LIMCH1: variants seen among roughly 807,000 people sequenced by gnomAD.
The protein encoded by LIMCH1 is LIM and calponin homology domains-containing protein 1.
A neutral mutation model predicts 176.5 loss-of-function variants in LIMCH1; 113 were observed. The ratio of observed to expected loss-of-function variants is 0.64; its 90% confidence interval spans 0.55 to 0.75. The LOEUF is 0.75. Ranked by LOEUF, LIMCH1 falls within the 30% of genes least tolerant of loss-of-function variation. LIMCH1 has a pLI of 0.00. For synonymous variants in LIMCH1, 619 were observed against 645.9 expected, an observed-to-expected ratio of 0.96 and a Z score of 0.63; for missense variants, 1,674 against 1,814.9, an observed-to-expected ratio of 0.92 and a Z score of 1.41.
intron 1 of LIMCH1, among the ~76,000 whole-genome samples, chr4:41,547,654 A>G (rs1168644806): frequency 6.9e-6 from 1 of 145,806 alleles, no homozygotes; most frequent in Non-Finnish European, 1.5e-5. Context: ...TAATATATAC[A>G]GATATAAATA....
At chr4:41,694,176 G>A (rs1379878857) in intron 31 of LIMCH1, among the ~76,000 whole-genome samples, 2 of 152,086 alleles carry the variant, frequency 1.3e-5, no homozygotes, top group Non-Finnish European at 2.9e-5. Flanking sequence ...GAAATGCAGT[G>A]TTTTACCAGG....
chr4:41,692,065 T>C (rs1165917258), intron 30 of LIMCH1, among the ~76,000 whole-genome samples: 1 of 152,180 alleles, frequency 6.6e-6, no homozygotes, highest in Non-Finnish European at 1.5e-5. Flanking sequence ...ACCAGTGTCC[T>C]TCTCTGTAAA....
intron 2 of LIMCH1, among the ~76,000 whole-genome samples, chr4:41,501,922 G>A (rs1197547459): frequency 1.5e-5 from 2 of 136,150 alleles, no homozygotes; most frequent in Admixed American, 1.6e-4. Flanking sequence ...AAGTTCCAGG[G>A]TACGTGTGCA....
intron 1 of LIMCH1, among the ~76,000 whole-genome samples, chr4:41,455,185 G>C (rs1435880353): frequency 1.3e-5 from 2 of 152,202 alleles, no homozygotes; most frequent in South Asian, 2.1e-4. Flanking sequence ...AATGAAGAAA[G>C]GGAGGCTGCT....
intron 1 of LIMCH1, among the ~76,000 whole-genome samples, chr4:41,547,897 A>ATATG (rs56354382): frequency 7.0e-6 from 1 of 141,934 alleles, no homozygotes; most frequent in Non-Finnish European, 1.5e-5. Context: ...ATATATATAT[A>ATATG]AACAGTGAGT....
At chr4:41,450,363 G>A (rs1449367768) in intron 1 of LIMCH1, among the ~76,000 whole-genome samples, 2 of 152,106 alleles carry the variant, frequency 1.3e-5, no homozygotes, top group Non-Finnish European at 2.9e-5. Flanking sequence ...GGAAGAATAT[G>A]GGTAAATCAC....
At position 41,671,620 on chromosome 4, in the gene LIMCH1, G is replaced by T. The variant is rs57879989; in HGVS notation, c.3438+26G>T. ...GTAAGTCACTCATTTTAAGGAATAAGATTATGAGTTAGTGTGATTTTAATT... is the reference window on the plus strand; with the variant it reads ...GTAAGTCACTCATTTTAAGGAATAATATTATGAGTTAGTGTGATTTTAATT... On this transcript the variant is annotated intron_variant, in intron 22 of 31. Coordinates refer to ENST00000503057, the MANE Select transcript of LIMCH1 (RefSeq NM_001330672.2). 170 of 1,492,462 alleles carry T rather than the reference G, an allele frequency of 1.1e-4. No individual in the cohort carries two copies. The African/African-American group carries it at 2.2e-3, about 19-fold the overall frequency. 92.5% of individuals were successfully genotyped at this position (1,492,462 alleles called of 1,614,324 possible).
intron 27 of LIMCH1, among the ~76,000 whole-genome samples, chr4:41,684,917 G>A (rs891349090): frequency 1.3e-5 from 2 of 152,034 alleles, no homozygotes; most frequent in Admixed American, 6.5e-5. Flanking sequence ...AGGTCCCATC[G>A]GTTCCCATTG....
intron 1 of LIMCH1, among the ~76,000 whole-genome samples, chr4:41,431,334 T>C (rs1304885954): frequency 6.6e-6 from 1 of 152,230 alleles, no homozygotes; most frequent in East Asian, 1.9e-4. Flanking sequence ...TTCTTACCTG[T>C]AGAACTTTGG....
intron 5 of LIMCH1, among the ~76,000 whole-genome samples, chr4:41,615,938 C>T (rs572897100): frequency 9.2e-5 from 14 of 152,316 alleles, no homozygotes; most frequent in Non-Finnish European, 2.1e-4. Context: ...GGACACAGAG[C>T]TACCTGGTAG....
chr4:41,471,567 T>C (rs1342149677), intron 1 of LIMCH1, among the ~76,000 whole-genome samples: 2 of 152,146 alleles, frequency 1.3e-5, no homozygotes, highest in African/African-American at 2.4e-5. Flanking sequence ...TTGATGAAAA[T>C]TGGGGAATTA....
At chr4:41,430,125 A>C (rs1466375139) in intron 1 of LIMCH1, among the ~76,000 whole-genome samples, 2 of 152,234 alleles carry the variant, frequency 1.3e-5, no homozygotes, top group Non-Finnish European at 2.9e-5. Flanking sequence ...AATAGAGTCT[A>C]GGGGCACAAA....
At chr4:41,580,796 A>G (rs1479130693) in intron 1 of LIMCH1, among the ~76,000 whole-genome samples, 1 of 152,154 alleles carries the variant, frequency 6.6e-6, no homozygotes, top group Non-Finnish European at 1.5e-5. Context: ...TAAGATAGCA[A>G]AAGAGTACAA....
intron 28 of LIMCH1, 135 bp from the exon 29 acceptor site, chr4:41,687,705 A>G: frequency 1.8e-6 from 1 of 564,086 alleles, no homozygotes; most frequent in Non-Finnish European, 3.2e-6. Flanking sequence ...TACTGCCAGG[A>G]AATGCTGTGG....
chr4:41,639,013 A>T, intron 14 of LIMCH1, 46 bp downstream of exon 14: 1 of 1,425,172 alleles, frequency 7.0e-7, no homozygotes, highest in Non-Finnish European at 9.6e-7. Context: ...ACTAGCCTAA[A>T]CTGCATGCTT....
intron 2 of LIMCH1, among the ~76,000 whole-genome samples, chr4:41,505,757 T>C (rs569182848): frequency 3.9e-5 from 6 of 152,194 alleles, no homozygotes; most frequent in Non-Finnish European, 7.3e-5. Flanking sequence ...TTTGTCTTTG[T>C]ATTTCACTCA....
rs773483240 is a variant in LIMCH1 at position 41,646,854 on chromosome 4, C to A, written c.2781C>A (p.Ser927=). 6.2e-7 allele frequency: 1 copy of A among 1,614,018 alleles called. No individual in the cohort carries two copies. Among genetic ancestry groups the A allele is most frequent in the South Asian group, 1.1e-5 (1 of 91,064 alleles). The change falls in exon 17 of 32, where the codon TCC becomes TCA. Residue 927 remains serine (S), a synonymous_variant. Transcript: ENST00000503057. ...CTATGCTGACACCCAAGCCTTACTC[C>A]CAGCCCAAAAATTCTCAAGATGTTC... is the stretch of plus-strand genomic sequence containing the variant. ...AVPMLTPKPY[S]QPKNSQDVLK...
intron 1 of LIMCH1, among the ~76,000 whole-genome samples, chr4:41,558,370 T>C (rs1274750304): frequency 1.3e-5 from 2 of 152,196 alleles, no homozygotes; most frequent in Non-Finnish European, 2.9e-5. Context: ...TTTAAGCCAC[T>C]GGCTAAATGA....
chr4:41,615,429 T>C (rs2091953705), intron 5 of LIMCH1, among the ~76,000 whole-genome samples: 1 of 152,166 alleles, frequency 6.6e-6, no homozygotes, highest in African/African-American at 2.4e-5. Flanking sequence ...CTAGAGTGTT[T>C]TTATGAATGT....
Sources: gnomAD v4.1 joint callset for allele counts (sites outside exome capture counted in the v4.1 genomes callset) on GRCh38, gnomAD v4.1.1 for gene constraint, MANE v1.5 for transcripts, NCBI Gene and HGNC (gene_info 2026-07-23, HGNC 2026-07-21) for gene names.